GRIA1: variants seen among roughly 807,000 people sequenced by gnomAD.
The protein encoded by GRIA1 is glutamate receptor 1.
GRIA1 carries 31 observed loss-of-function variants against 99.2 expected under a neutral mutation model. The observed-to-expected ratio is 0.31, with a 90% CI of 0.23 to 0.42. The LOEUF is 0.42. GRIA1 is among the 10% of genes least tolerant of loss of function. The pLI is 1.00. For synonymous variants in GRIA1, 438 were observed against 432.4 expected (o/e 1.01, Z -0.16); for missense variants, 782 against 1,157.5 (o/e 0.68, Z 4.71).
chr5:153,730,455 G>A lies in GRIA1; in HGVS notation c.1823+24388G>A, dbSNP rs1760925654. Reference sequence around the variant, plus strand: ...AGTACATTTTTACATAGGTAGACATGAGAAAAGTTTAACAGTACGTGCAAA... The same window carrying A: ...AGTACATTTTTACATAGGTAGACATAAGAAAAGTTTAACAGTACGTGCAAA... On this transcript the variant is annotated intron_variant, in intron 11 of 15. Transcript: ENST00000285900. Among the ~76,000 whole-genome samples the A allele has an allele frequency of 1.3e-5, 2 of 152,098 alleles. 1 individual carries two copies. Among genetic ancestry groups the A allele is most frequent in the East Asian group, 3.8e-4 (2 of 5,206 alleles).
At chr5:153,567,328 G>A (rs972569245) in intron 2 of GRIA1, among the ~76,000 whole-genome samples, 5 of 152,200 alleles carry the variant, frequency 3.3e-5, no homozygotes, top group Non-Finnish European at 7.3e-5. Context: ...TGATAAATAT[G>A]TTTAAGAAAA....
chr5:153,806,156 T>C (rs1766411074), intron 15 of GRIA1, among the ~76,000 whole-genome samples: 1 of 152,216 alleles, frequency 6.6e-6, no homozygotes, highest in African/African-American at 2.4e-5. Context: ...CCCCCAACCT[T>C]ACAGAGACCC....
intron 7 of GRIA1, among the ~76,000 whole-genome samples, chr5:153,679,690 A>T (rs542947985): frequency 6.6e-6 from 1 of 152,186 alleles, no homozygotes; most frequent in Non-Finnish European, 1.5e-5. Flanking sequence ...GAGCTGGGTA[A>T]ATCCTGATGG....
intron 11 of GRIA1, among the ~76,000 whole-genome samples, chr5:153,748,860 C>G (rs929060985): frequency 6.6e-6 from 1 of 152,068 alleles, no homozygotes; most frequent in Non-Finnish European, 1.5e-5. Context: ...GAATTGGATA[C>G]TTCAGGTCTA....
intron 2 of GRIA1, among the ~76,000 whole-genome samples, chr5:153,517,995 C>G (rs962394950): frequency 6.6e-6 from 1 of 152,246 alleles, no homozygotes; most frequent in African/African-American, 2.4e-5. Context: ...GGCCTTCCTT[C>G]AGTTCCTTAA....
rs750118305 is a variant in GRIA1 at position 153,650,463 on chromosome 5, G to T, written c.594G>T (p.Arg198=). 5.0e-5 allele frequency: 81 copies of T among 1,613,884 alleles called. No homozygotes were observed. In the Middle Eastern group the frequency reaches 6.6e-4, roughly 13 times the overall value. Residue 198 remains arginine (R), a synonymous_variant, in exon 4 of 16, where the codon CGG becomes CGT. Coordinates refer to ENST00000285900, the MANE Select transcript of GRIA1 (RefSeq NM_000827.4). The part of the protein sequence containing the change: ...LFQDLEKKKE[R]LVVVDCESER... The stretch of plus-strand genomic sequence containing the variant: ...AGGACCTGGAGAAGAAAAAGGAGCG[G>T]CTGGTGGTGGTGGACTGTGAATCAG...
At chr5:153,703,718 A>G (rs892723772) in intron 10 of GRIA1, among the ~76,000 whole-genome samples, 1 of 152,210 alleles carries the variant, frequency 6.6e-6, no homozygotes, top group Non-Finnish European at 1.5e-5. Context: ...AACCTGGGGA[A>G]CAGGGCAAGA....
In GRIA1 at chr5:153,813,010, G is replaced by A. The variant is rs757396471; in HGVS notation, c.*1785G>A. 2.0e-5 allele frequency: 3 copies of A among 152,160 alleles called. No homozygotes were observed. The highest frequency in any genetic ancestry group is 4.4e-5 in the Non-Finnish European group (3 of 68,036). 9.4% of individuals were successfully genotyped at this position (152,160 alleles called of 1,614,324 possible). Reference sequence around the variant, plus strand: ...CCTAGGGGTAGGTGCAGCTTTATTGGCTTTTCTGTGGATTCTCTCAGTGGA... The same window carrying A: ...CCTAGGGGTAGGTGCAGCTTTATTGACTTTTCTGTGGATTCTCTCAGTGGA... On this transcript the variant is annotated 3_prime_UTR_variant, in exon 16 of 16. Coordinates refer to ENST00000285900, the MANE Select transcript of GRIA1 (RefSeq NM_000827.4).
chr5:153,505,870 A>T (rs1367314412), intron 2 of GRIA1, among the ~76,000 whole-genome samples: 1 of 152,208 alleles, frequency 6.6e-6, no homozygotes, highest in Non-Finnish European at 1.5e-5. Flanking sequence ...GTAGAGAAGA[A>T]CACCTTTAAA....
At chr5:153,789,024 A>G (rs1419196772) in intron 13 of GRIA1, among the ~76,000 whole-genome samples, 1 of 152,170 alleles carries the variant, frequency 6.6e-6, no homozygotes, top group Non-Finnish European at 1.5e-5. Context: ...TCTCCTCCTT[A>G]GGAACCCATA....
At chr5:153,608,534 G>C (rs866155194) in intron 2 of GRIA1, among the ~76,000 whole-genome samples, 1 of 152,128 alleles carries the variant, frequency 6.6e-6, no homozygotes, top group Non-Finnish European at 1.5e-5. Flanking sequence ...CATTGTTCCT[G>C]TCTATTGAAT....
chr5:153,623,073 C>A (rs1365300804), intron 2 of GRIA1, among the ~76,000 whole-genome samples: 1 of 152,174 alleles, frequency 6.6e-6, no homozygotes, highest in African/African-American at 2.4e-5. Context: ...GGGATTTGAA[C>A]TCAGGTTGGT....
chr5:153,629,586 G>A (rs571385090), intron 2 of GRIA1, among the ~76,000 whole-genome samples: 7 of 152,194 alleles, frequency 4.6e-5, no homozygotes, highest in Non-Finnish European at 1.0e-4. Context: ...ATTTGGAAGC[G>A]GTACTTGGGC....
At chr5:153,499,582 T>C (rs1443041044) in intron 2 of GRIA1, among the ~76,000 whole-genome samples, 8 of 116,132 alleles carry the variant, frequency 6.9e-5, no homozygotes, top group Non-Finnish European at 1.3e-4. Context: ...GCCACTGCAC[T>C]CCAGCCTGGC....
intron 15 of GRIA1, among the ~76,000 whole-genome samples, chr5:153,807,257 G>C (rs1280848990): frequency 6.6e-6 from 1 of 152,192 alleles, no homozygotes; most frequent in Admixed American, 6.5e-5. Context: ...ACTGCGTGCT[G>C]GGCAAGGCTT....
chr5:153,717,697 A>T (rs1353062723), intron 11 of GRIA1, among the ~76,000 whole-genome samples: 1 of 152,210 alleles, frequency 6.6e-6, no homozygotes, highest in African/African-American at 2.4e-5. Context: ...GAAGAGCTCT[A>T]GGAAGTAGCT....
chr5:153,791,350 G>A (rs142988872), intron 13 of GRIA1, among the ~76,000 whole-genome samples: 1,716 of 152,066 alleles, frequency 0.011, 13 homozygotes, highest in Non-Finnish European at 0.018. Flanking sequence ...TTGTGAATTA[G>A]CATCTTATGA....
At chr5:153,604,326 A>T (rs1303125877) in intron 2 of GRIA1, among the ~76,000 whole-genome samples, 1 of 152,206 alleles carries the variant, frequency 6.6e-6, no homozygotes, top group Non-Finnish European at 1.5e-5. Flanking sequence ...GGGTTACAAA[A>T]TCATAGTTCA....
At chr5:153,649,624 A>C (rs1256112682) in intron 3 of GRIA1, among the ~76,000 whole-genome samples, 2 of 151,634 alleles carry the variant, frequency 1.3e-5, no homozygotes, top group Non-Finnish European at 2.9e-5. Context: ...TGCCTGGCTA[A>C]TTTTTGTAAT....
Sources: gnomAD v4.1 joint callset for allele counts (sites outside exome capture counted in the v4.1 genomes callset) on GRCh38, gnomAD v4.1.1 for gene constraint, MANE v1.5 for transcripts, NCBI Gene and HGNC (gene_info 2026-07-23, HGNC 2026-07-21) for gene names.